Variants in SLC6A5 observed in about 807,000 individuals in gnomAD.
SLC6A5 encodes the protein sodium- and chloride-dependent glycine transporter 2.
In SLC6A5, 58 loss-of-function variants were observed where a neutral mutation model predicts 90.5. The observed-to-expected ratio is 0.64, with a 90% CI of 0.52 to 0.80. SLC6A5 has a LOEUF of 0.80. SLC6A5 is among the 30% of genes least tolerant of loss of function. The probability of loss-of-function intolerance (pLI) is 0.00; values close to 1 mark genes in which losing one functional copy is unlikely to be tolerated. For synonymous variants in SLC6A5, 427 were observed against 401.4 expected, an observed-to-expected ratio of 1.06 and a Z score of -0.76; for missense variants, 1,015 against 1,017.6, an observed-to-expected ratio of 1.00 and a Z score of 0.03.
rs373112065 is a variant in SLC6A5 at position 20,635,932 on chromosome 11, G to A, written c.1625-375G>A. 1.1e-3 allele frequency among the ~76,000 whole-genome samples: 165 copies of A among 152,278 alleles called. 1 individual carries two copies. The highest frequency in any genetic ancestry group is 3.8e-3 in the African/African-American group (157 of 41,570). On this transcript the variant is annotated intron_variant, in intron 10 of 15. Coordinates refer to ENST00000525748, the MANE Select transcript of SLC6A5 (RefSeq NM_004211.5). ...CCCAAACATGGCAAAATCACTGCTG[G>A]TTGAGTACTACTGCTGTAAAGGCTA...
intron 7 of SLC6A5, 38 bp downstream of exon 7, chr11:20,617,922 C>T: frequency 6.2e-7 from 1 of 1,608,128 alleles, no homozygotes; most frequent in Non-Finnish European, 8.5e-7. Context: ...AGCTGTGAGA[C>T]ACCCAGGGGC....
chr11:20,600,399 G>GAAGAAGGAGAAGAA (rs1555037543), intron 1 of SLC6A5, among the ~76,000 whole-genome samples: 5 of 139,054 alleles, frequency 3.6e-5, no homozygotes, highest in African/African-American at 1.1e-4. Flanking sequence ...AGAAGAAGAA[G>GAAGAAGGAGAAGAA]AAGAAGAAGA....
At chr11:20,614,951 T>C in intron 6 of SLC6A5, 131 bp downstream of exon 6, 3 of 897,712 alleles carry the variant, frequency 3.3e-6, no homozygotes, top group Non-Finnish European at 5.5e-6. Flanking sequence ...TTTCCCTGGT[T>C]TGGCTTCCAA....
chr11:20,623,521 T>G (rs1852932615), intron 7 of SLC6A5, among the ~76,000 whole-genome samples: 1 of 152,166 alleles, frequency 6.6e-6, no homozygotes, highest in Non-Finnish European at 1.5e-5. Flanking sequence ...TCCTTACTGT[T>G]AACCCTGCAG....
chr11:20,604,166 C>G (rs560557783), intron 2 of SLC6A5, 120 bp from the exon 3 acceptor site: 423 of 1,297,018 alleles, frequency 3.3e-4, no homozygotes, highest in Non-Finnish European at 4.1e-4. Context: ...CTGATGCATC[C>G]TCGGTTGAGA....
rs77543305 is a variant in SLC6A5, at chr11:20,611,577, C to T, written c.986-3102C>T. ...GCACTCTTCAACCTACTCCAAAACC[C>T]TAGCTCCAAACTCTTTGGGGAGATG... is the stretch of plus-strand genomic sequence containing the variant. On this transcript the variant is annotated intron_variant, in intron 5 of 15. Coordinates refer to ENST00000525748, the MANE Select transcript of SLC6A5 (RefSeq NM_004211.5). Among the ~76,000 whole-genome samples, 4,036 of 152,286 alleles carry T rather than the reference C, an allele frequency of 0.027. 424 individuals are homozygous for T. In the East Asian group the frequency reaches 0.35, roughly 13 times the overall value.
intron 5 of SLC6A5, 117 bp downstream of exon 5, chr11:20,607,769 A>G: frequency 1.3e-6 from 1 of 773,066 alleles, no homozygotes; most frequent in South Asian, 1.5e-5. Flanking sequence ...GGGAACACAG[A>G]GATTACATCA....
At chr11:20,613,375 T>C (rs1164415750) in intron 5 of SLC6A5, among the ~76,000 whole-genome samples, 1 of 152,244 alleles carries the variant, frequency 6.6e-6, no homozygotes, top group Non-Finnish European at 1.5e-5. Flanking sequence ...TTGGGATTAG[T>C]CCTGGTGGAT....
At chr11:20,626,123 G>A (rs11025661) in intron 7 of SLC6A5, among the ~76,000 whole-genome samples, 3 of 152,114 alleles carry the variant, frequency 2.0e-5, no homozygotes, top group African/African-American at 4.8e-5. Flanking sequence ...TGTAAGAAAG[G>A]TGCTATTATC....
chr11:20,646,809 C>T, intron 13 of SLC6A5, 25 bp from the exon 14 acceptor site: 1 of 1,525,594 alleles, frequency 6.6e-7, no homozygotes, highest in Non-Finnish European at 9.1e-7. Context: ...TGCCTTATAC[C>T]TGTTCTCTGC....
rs1301744243 is a variant in SLC6A5, at chr11:20,602,913, A to C, written c.540+1248A>C. Among the ~76,000 whole-genome samples the C allele has an allele frequency of 2.6e-5, 4 of 152,216 alleles. 1 individual carries two copies. Among genetic ancestry groups the C allele is most frequent in the African/African-American group, 9.6e-5 (4 of 41,456 alleles). On this transcript the variant is annotated intron_variant, in intron 2 of 15. Transcript: ENST00000525748. ...AATATTTGTTTCACTTGTCTTGCTT[A>C]ACCTCCGCACTGCGGCAGAAGGAGC... is the stretch of plus-strand genomic sequence containing the variant.
chr11:20,601,506 C>T lies in SLC6A5; in HGVS notation c.381C>T (p.Gly127=), dbSNP rs529523926. The T allele has an allele frequency of 5.0e-6, 8 of 1,614,052 alleles. No homozygotes were observed. In the East Asian group the frequency reaches 1.6e-4, roughly 31 times the overall value. The change falls in exon 2 of 16, where the codon GGC becomes GGT. Residue 127 remains glycine (G), a synonymous_variant. Transcript: ENST00000525748. ...ACTGTAAGATCCCTTTTCTGCGAGGCCCGGAGGGGGATGCGAACGTGAGTG... is the reference window on the plus strand; with the variant it reads ...ACTGTAAGATCCCTTTTCTGCGAGGTCCGGAGGGGGATGCGAACGTGAGTG... ...ALHCKIPFLR[G]PEGDANVSVG... is the part of the protein sequence containing the mutation.
chr11:20,623,619 C>G (rs548344700), intron 7 of SLC6A5, among the ~76,000 whole-genome samples: 1 of 152,238 alleles, frequency 6.6e-6, no homozygotes, highest in Admixed American at 6.5e-5. Flanking sequence ...AGCCCTGTTG[C>G]CCACAGAGTG....
chr11:20,606,956 A>C, intron 3 of SLC6A5, 51 bp from the exon 4 acceptor site: 3 of 1,611,462 alleles, frequency 1.9e-6, no homozygotes, highest in East Asian at 2.2e-5. Context: ...TAAGGAGGGC[A>C]GCAGCCTGCT....
chr11:20,613,803 G>T (rs1852735842), intron 5 of SLC6A5, among the ~76,000 whole-genome samples: 1 of 152,034 alleles, frequency 6.6e-6, no homozygotes, highest in South Asian at 2.1e-4. Context: ...AGGACTACAG[G>T]TGTGTGCCAT....
chr11:20,654,355 G>A (rs1190835407), intron 15 of SLC6A5, among the ~76,000 whole-genome samples: 4 of 146,214 alleles, frequency 2.7e-5, no homozygotes, highest in Non-Finnish European at 6.2e-5. Flanking sequence ...GTGTTTGGCA[G>A]TGAAGAGAGA....
intron 1 of SLC6A5, among the ~76,000 whole-genome samples, chr11:20,600,907 T>G (rs561909407): frequency 6.6e-6 from 1 of 152,258 alleles, no homozygotes; most frequent in East Asian, 1.9e-4. Flanking sequence ...CATCCTCCAC[T>G]AGGGAGGGAA....
At chr11:20,636,826 G>C (rs1853217209) in intron 11 of SLC6A5, among the ~76,000 whole-genome samples, 1 of 152,190 alleles carries the variant, frequency 6.6e-6, no homozygotes, top group Admixed American at 6.5e-5. Context: ...TGGGTGCAAA[G>C]AGGGTTTTTC....
chr11:20,655,209 G>A lies in SLC6A5; in HGVS notation c.*341G>A. Reference sequence around the variant, plus strand: ...AATAGAGAGGTATCCACTGTGTGATGGCATGGGGGGTGCCAGTAAGGCATG... The same window carrying A: ...AATAGAGAGGTATCCACTGTGTGATAGCATGGGGGGTGCCAGTAAGGCATG... On this transcript the variant is annotated 3_prime_UTR_variant, in exon 16 of 16. Coordinates refer to ENST00000525748, the MANE Select transcript of SLC6A5 (RefSeq NM_004211.5). 1 of 368,252 alleles carries A rather than the reference G, an allele frequency of 2.7e-6. No homozygotes were observed. The highest frequency in any genetic ancestry group is 2.2e-5 in the South Asian group (1 of 46,016). The allele number at this position is 368,252 out of a possible 1,614,324, so 22.8% of individuals were successfully genotyped here.
Sources: allele counts gnomAD v4.1 joint callset (sites outside exome capture counted in the v4.1 genomes callset), GRCh38; gene constraint gnomAD v4.1.1; transcripts MANE v1.5; gene names NCBI Gene and HGNC (gene_info 2026-07-23, HGNC 2026-07-21).